The following SLC4A9 variants were observed in gnomAD, a reference collection of about 807,000 sequenced individuals.
SLC4A9 encodes the protein solute carrier family 4 member 9.
A neutral mutation model predicts 103.2 loss-of-function variants in SLC4A9; 102 were observed. The ratio of observed to expected loss-of-function variants is 0.99; its 90% CI spans 0.84 to 1.17. The LOEUF (loss-of-function observed/expected upper bound fraction) is 1.17. Among genes scored for constraint, SLC4A9 ranks in the 50% most tolerant of loss-of-function variants. The probability of loss-of-function intolerance (pLI) is 0.00; values close to 1 mark genes in which losing one functional copy is unlikely to be tolerated. For synonymous variants in SLC4A9, 453 were observed against 483.6 expected (o/e 0.94, Z 0.83); for missense variants, 1,091 against 1,193.7 (o/e 0.91, Z 1.27).
chr5:140,371,261 T>G (rs1768679767), intron 18 of SLC4A9, 98 bp downstream of exon 18: 2 of 1,449,046 alleles, frequency 1.4e-6, no homozygotes, highest in South Asian at 2.4e-5. Flanking sequence ...CTTTTTTCTT[T>G]TCTGCTGGCA....
chr5:140,361,942 G>C, intron 4 of SLC4A9, 75 bp from the exon 5 acceptor site: 1 of 1,613,344 alleles, frequency 6.2e-7, no homozygotes, highest in South Asian at 1.1e-5. Flanking sequence ...CTCTCCACTG[G>C]ATTTCTCATC....
At chr5:140,374,784 C>T (rs1769264980) in intron 21 of SLC4A9, 43 bp from the exon 22 acceptor site, 1 of 152,160 alleles carries the variant, frequency 6.6e-6, no homozygotes, top group Non-Finnish European at 1.5e-5. Flanking sequence ...CAGGTGCTTA[C>T]TCAGGAAGTC....
intron 14 of SLC4A9, among the ~76,000 whole-genome samples, chr5:140,366,705 C>T (rs1292800561): frequency 3.3e-5 from 5 of 152,220 alleles, no homozygotes. Context: ...ATGCCTGGCA[C>T]ATACCAAGTC....
Position 140,361,248 on chromosome 5 carries a change from C to G in SLC4A9, c.392-6C>G, listed in dbSNP as rs1309304059. On this transcript the variant is annotated splice_polypyrimidine_tract_variant and splice_region_variant and intron_variant, in intron 2 of 21. Coordinates refer to ENST00000506757, the MANE Select transcript of SLC4A9 (RefSeq NM_031467.3). ...GGAAGGAGATGACCCCCAATCCATTCTCCAGAGCAGGTGACCAGGGTGGAG... is the reference window on the plus strand; with the variant it reads ...GGAAGGAGATGACCCCCAATCCATTGTCCAGAGCAGGTGACCAGGGTGGAG... 3 of 1,558,318 alleles carry G rather than the reference C, an allele frequency of 1.9e-6. No individual in the cohort carries two copies. The highest frequency in any genetic ancestry group is 2.4e-5 in the South Asian group (2 of 84,334).
At chr5:140,360,528 A>G (rs1207276812) in intron 1 of SLC4A9, 62 bp downstream of exon 1, 5 of 1,442,244 alleles carry the variant, frequency 3.5e-6, no homozygotes, top group African/African-American at 1.4e-5. Flanking sequence ...AGCCTCCTAT[A>G]TGTCCCCCAG....
chr5:140,372,332 G>A lies in SLC4A9; in HGVS notation c.2761G>A (p.Glu921Lys). 3 of 1,610,508 alleles carry A rather than the reference G, an allele frequency of 1.9e-6. No homozygotes were observed. Among genetic ancestry groups the A allele is most frequent in the Non-Finnish European group, 2.5e-6 (3 of 1,179,056 alleles). The change falls in exon 20 of 22, where the codon GAG (glutamate) becomes AAG (lysine). Residue 921 changes from glutamate to lysine, a missense_variant. Transcript: ENST00000506757. ...GCTGGATGAGCTGATGCCAGAGGAG[G>A]AGAGAAGCATCCCTGAGAAGGGGCT... is the stretch of plus-strand genomic sequence containing the variant. ...LWLDELMPEEERSIPEKGLEP... is the reference protein window; with the variant it reads ...LWLDELMPEEKRSIPEKGLEP...
chr5:140,372,926 GC>G, intron 21 of SLC4A9, 83 bp downstream of exon 21: 1 of 803,746 alleles, frequency 1.2e-6, no homozygotes. Context: ...GTGTTGGCCA[GC>G]CCTGTTTTCT....
rs767479878 is a variant in SLC4A9, at chr5:140,367,723, G to C, written c.2179G>C (p.Gly727Arg). The C allele has an allele frequency of 6.2e-7, 1 of 1,613,804 alleles. No homozygotes were observed. The highest frequency in any genetic ancestry group is 1.7e-5 in the Admixed American group (1 of 59,994). ...LNRMEYRLQK[G>R]AGFHLDLFCV... is the part of the protein sequence containing the mutation. ...TTGCCCCCACCACTACCTGCAGAAG[G>C]GAGCTGGCTTCCACCTGGACCTCTT... The change falls in exon 16 of 22, where the codon GGA (glycine) becomes CGA (arginine). Residue 727 changes from glycine (G) to arginine (R), a missense_variant. Transcript: ENST00000506757.
intron 17 of SLC4A9, chr5:140,370,854 G>T: frequency 1.9e-6 from 1 of 523,376 alleles, no homozygotes; most frequent in East Asian, 3.1e-5. Flanking sequence ...AATGGACAAA[G>T]TTACTTAGTC....
rs752312860 is a variant in SLC4A9, at chr5:140,366,265, G to A, written c.2013+1G>A. On this transcript the variant is annotated splice_donor_variant, in intron 14 of 21. Transcript: ENST00000506757. LOFTEE classifies it high-confidence loss of function. ...GCTCATGGTACCCAGAGAGTTCAAG[G>A]TGAGAGCCAGGGAAGAGGGTTGGGG... The A allele has an allele frequency of 7.0e-6, 11 of 1,582,104 alleles. No individual in the cohort carries two copies. The highest frequency in any genetic ancestry group is 1.7e-4 in the Middle Eastern group (1 of 5,932).
rs370350029 is a variant in SLC4A9 at position 140,367,781 on chromosome 5, C to T, written c.2237C>T (p.Ala746Val). The T allele has an allele frequency of 4.3e-5, 69 of 1,613,866 alleles. No homozygotes were observed. Among genetic ancestry groups the T allele is most frequent in the Non-Finnish European group, 5.3e-5 (63 of 1,179,896 alleles). Residue 746 changes from alanine to valine, a missense_variant, in exon 16 of 22, where the codon GCG (alanine) becomes GTG (valine). By Grantham distance (64) the Ala-to-Val change is moderately conservative (BLOSUM62 0). Transcript: ENST00000506757. ...GCTGTGCTGATGCTACTCACATCAGCGCTTGGACTGCCTTGGTATGTCTCA... is the reference window on the plus strand; with the variant it reads ...GCTGTGCTGATGCTACTCACATCAGTGCTTGGACTGCCTTGGTATGTCTCA... ...CVAVLMLLTS[A>V]LGLPWYVSAT...
chr5:140,374,017 A>G (rs1655252395), intron 21 of SLC4A9, among the ~76,000 whole-genome samples: 1 of 151,100 alleles, frequency 6.6e-6, no homozygotes, highest in Non-Finnish European at 1.5e-5. Flanking sequence ...AACATAGTGA[A>G]ACTCTGTCTC....
At chr5:140,364,762 A>G (rs898956941) in intron 11 of SLC4A9, 137 bp downstream of exon 11, 2 of 1,051,618 alleles carry the variant, frequency 1.9e-6, no homozygotes, top group Admixed American at 5.4e-5. Context: ...TACTATTTAC[A>G]CTCTGGTTCT....
chr5:140,372,567 T>G (rs1374057337), intron 20 of SLC4A9, 170 bp downstream of exon 20: 3 of 1,442,520 alleles, frequency 2.1e-6, no homozygotes, highest in Non-Finnish European at 2.7e-6. Flanking sequence ...AAGGAAATCT[T>G]TCTTCATAGG....
chr5:140,368,722 C>G, intron 17 of SLC4A9, 63 bp downstream of exon 17: 2 of 1,416,740 alleles, frequency 1.4e-6, no homozygotes, highest in East Asian at 4.7e-5. Flanking sequence ...ACAGCAAGAA[C>G]TGACAGTAGT....
At chr5:140,364,281 TG>T (rs1411304979) in intron 10 of SLC4A9, 81 bp from the exon 11 acceptor site, 5 of 1,593,082 alleles carry the variant, frequency 3.1e-6, no homozygotes, top group Non-Finnish European at 3.4e-6. Context: ...GCTATCTGTT[TG>T]GGTTGAGGGA....
Position 140,363,573 on chromosome 5 carries a change from G to C in SLC4A9, c.1079+18G>C. 1 of 1,552,496 alleles carries C rather than the reference G, an allele frequency of 6.4e-7. No homozygotes were observed. Among genetic ancestry groups the C allele is most frequent in the Middle Eastern group, 1.7e-4 (1 of 5,948 alleles). ...ACCGGCAGGTGAGGCGAGCTGGGAG[G>C]AAACAAGGGTAGGTGACCTGGGGGA... is the stretch of plus-strand genomic sequence containing the variant. On this transcript the variant is annotated intron_variant, in intron 8 of 21. Transcript: ENST00000506757. The surrounding 1 kb of genome is among the most constrained non-coding windows in gnomAD (Gnocchi z 4.5).
At chr5:140,374,346 G>A (rs1769178276) in intron 21 of SLC4A9, among the ~76,000 whole-genome samples, 1 of 151,846 alleles carries the variant, frequency 6.6e-6, no homozygotes, top group East Asian at 1.9e-4. Flanking sequence ...GATTACTTGA[G>A]GTCAGGAGTT....
chr5:140,363,743 T>C lies in SLC4A9; in HGVS notation c.1095T>C (p.Leu365=), dbSNP rs753048759. The stretch of plus-strand genomic sequence containing the variant: ...CGGGCGGGAGGCTGTTTGGGGGCCT[T>C]ATCCAGGACGTGCGCAGGAAGGTCC... ...LQRTGRLFGG[L]IQDVRRKVPW... The change falls in exon 9 of 22, where the codon CTT becomes CTC. Residue 365 remains leucine, a synonymous_variant. Transcript: ENST00000506757. The surrounding 1 kb of genome is among the most constrained non-coding windows in gnomAD (Gnocchi z 4.5). 37 of 1,613,638 alleles carry C rather than the reference T, an allele frequency of 2.3e-5. No homozygotes were observed. The highest frequency in any genetic ancestry group is 2.3e-5 in the Non-Finnish European group (27 of 1,179,830).
Sources: gnomAD v4.1 joint callset for allele counts (sites outside exome capture counted in the v4.1 genomes callset) on GRCh38, gnomAD v4.1.1 for gene constraint, Gnocchi (gnomAD v3.1) non-coding constraint, MANE v1.5 for transcripts, NCBI Gene and HGNC (gene_info 2026-07-23, HGNC 2026-07-21) for gene names.